The following RGS5 variants were observed in gnomAD, a reference collection of about 807,000 sequenced individuals.
RGS5 encodes regulator of G-protein signalling 5.
A neutral mutation model predicts 18.9 loss-of-function variants in RGS5; 20 were observed. That is an observed-to-expected ratio of 1.06 (90% CI 0.74 to 1.54). The LOEUF (loss-of-function observed/expected upper bound fraction) is 1.54. Among genes scored for constraint, RGS5 ranks in the 40% most tolerant of loss-of-function variants. RGS5 has a pLI of 0.00. For missense variants in RGS5, 201 were observed against 211.8 expected (o/e 0.95, Z 0.32); for synonymous variants, 57 against 76.2 (o/e 0.75, Z 1.31).
At chr1:163,319,801 CAGAA>C (rs1650135682) in intron 1 of RGS5, among the ~76,000 whole-genome samples, 1 of 152,080 alleles carries the variant, frequency 6.6e-6, no homozygotes, top group African/African-American at 2.4e-5. Flanking sequence ...ATGCTACAAT[CAGAA>C]AGAATACTAA....
At chr1:163,260,020 T>A (rs1010723958) in intron 2 of RGS5, 2 of 152,190 alleles carry the variant, frequency 1.3e-5, no homozygotes, top group Non-Finnish European at 2.9e-5. Context: ...ATTCAAAATA[T>A]CCCCATGCTC....
At chr1:163,155,619 G>A (rs937267215) in intron 3 of RGS5, among the ~76,000 whole-genome samples, 1 of 152,042 alleles carries the variant, frequency 6.6e-6, no homozygotes, top group Non-Finnish European at 1.5e-5. Context: ...TCTCTGTTTA[G>A]TTCCTATCAC....
At chr1:163,232,257 T>C (rs953187432) in intron 2 of RGS5, among the ~76,000 whole-genome samples, 3 of 152,190 alleles carry the variant, frequency 2.0e-5, no homozygotes, top group Admixed American at 6.5e-5. Flanking sequence ...ATTTTCTGAA[T>C]TGCTTATTTG....
intron 2 of RGS5, among the ~76,000 whole-genome samples, chr1:163,303,807 T>G (rs564040387): frequency 6.6e-6 from 1 of 152,262 alleles, no homozygotes; most frequent in African/African-American, 2.4e-5. Context: ...CACATTTGAT[T>G]CTCAAAGGAG....
intron 1 of RGS5, among the ~76,000 whole-genome samples, chr1:163,178,699 A>G (rs907555260): frequency 6.6e-6 from 1 of 152,158 alleles, no homozygotes; most frequent in Non-Finnish European, 1.5e-5. Context: ...AAAGGCCCCT[A>G]CCCCAGCACA....
At chr1:163,214,423 G>A (rs868692202) in intron 1 of RGS5, among the ~76,000 whole-genome samples, 2 of 152,038 alleles carry the variant, frequency 1.3e-5, no homozygotes, top group Admixed American at 6.6e-5. Context: ...CTTCAGAAAC[G>A]AACACCTTCA....
chr1:163,313,015 C>A (rs1046106568), intron 1 of RGS5, among the ~76,000 whole-genome samples: 54 of 152,086 alleles, frequency 3.6e-4, no homozygotes, highest in African/African-American at 1.3e-3. Flanking sequence ...TGTCTTTCAA[C>A]CTAAAATAAA....
At chr1:163,163,458 C>G (rs1477384156) in intron 2 of RGS5, among the ~76,000 whole-genome samples, 1 of 149,120 alleles carries the variant, frequency 6.7e-6, no homozygotes, top group East Asian at 2.0e-4. Context: ...CCCATTTCCT[C>G]TGGCTAGTAT....
At chr1:163,230,276 C>T (rs1647443079) in intron 2 of RGS5, among the ~76,000 whole-genome samples, 1 of 152,048 alleles carries the variant, frequency 6.6e-6, no homozygotes, top group South Asian at 2.1e-4. Context: ...CCCTCTTTAC[C>T]TCATAAGATT....
In RGS5 at chr1:163,168,243, A is replaced by G. The variant is rs199962234; in HGVS notation, c.155+15T>C. The G allele has an allele frequency of 6.9e-5, 110 of 1,583,450 alleles. No individual in the cohort carries two copies. The African/African-American group carries it at 1.4e-3, about 20-fold the overall frequency. On this transcript the variant is annotated intron_variant, in intron 2 of 4. Coordinates refer to ENST00000313961, the MANE Select transcript of RGS5 (RefSeq NM_003617.4). ...CCTCTGGAGGAAATGAGTGGAATCC[A>G]TATTCATGACTCACTTCTGGGTCTT...
intron 2 of RGS5, among the ~76,000 whole-genome samples, chr1:163,242,965 T>C (rs986608039): frequency 1.3e-5 from 2 of 152,236 alleles, no homozygotes; most frequent in Non-Finnish European, 2.9e-5. Flanking sequence ...AGTTTTACTA[T>C]GTGTTTGCAA....
chr1:163,186,578 C>CAAAAAAAAAAAAAA (rs34092786), intron 1 of RGS5, among the ~76,000 whole-genome samples: 2 of 95,964 alleles, frequency 2.1e-5, no homozygotes, highest in Non-Finnish European at 4.0e-5. Context: ...GACTCTGTCT[C>CAAAAAAAAAAAAAA]AAAAAAAAAA....
chr1:163,234,138 T>C (rs1309586374), intron 2 of RGS5, among the ~76,000 whole-genome samples: 5 of 152,210 alleles, frequency 3.3e-5, no homozygotes, highest in African/African-American at 1.2e-4. Context: ...AGGGATAAGA[T>C]CACATATGCT....
chr1:163,257,189 G>A (rs1648296077), intron 2 of RGS5, among the ~76,000 whole-genome samples: 2 of 152,030 alleles, frequency 1.3e-5, no homozygotes, highest in Non-Finnish European at 2.9e-5. Context: ...AATAAGATGT[G>A]GTTTTTTGGA....
In RGS5 at chr1:163,202,819, GCAA is replaced by G; in HGVS notation, c.14_16del (p.Leu5_Ala6delinsPro). The G allele has an allele frequency of 6.2e-7, 1 of 1,613,538 alleles. No individual in the cohort carries two copies. Among genetic ancestry groups the G allele is most frequent in the Non-Finnish European group, 8.5e-7 (1 of 1,179,656 alleles). Reference sequence around the variant, plus strand: ...TTCCAGGCATGAGTGGGGCAAAGCTGCAAGTCCTTTGCACATTTTGGCAGGTGG... The same window carrying G: ...TTCCAGGCATGAGTGGGGCAAAGCTGGTCCTTTGCACATTTTGGCAGGTGG... On this transcript the variant is annotated inframe_deletion, in exon 1 of 5. Transcript: ENST00000313961.
intron 1 of RGS5, among the ~76,000 whole-genome samples, chr1:163,312,810 T>A (rs1162502891): frequency 6.6e-6 from 1 of 152,226 alleles, no homozygotes; most frequent in Non-Finnish European, 1.5e-5. Flanking sequence ...TAACTTTTGG[T>A]TGTGAAAACA....
chr1:163,187,555 G>A (rs1194623046), intron 1 of RGS5, among the ~76,000 whole-genome samples: 2 of 151,974 alleles, frequency 1.3e-5, no homozygotes, highest in South Asian at 2.1e-4. Flanking sequence ...GACAGGTCCC[G>A]CCTCATACGC....
chr1:163,180,384 G>A (rs1415133948), intron 1 of RGS5, among the ~76,000 whole-genome samples: 3 of 151,970 alleles, frequency 2.0e-5, no homozygotes, highest in Non-Finnish European at 4.4e-5. Context: ...TCTTCCTATT[G>A]CAGTGCCTTC....
chr1:163,180,937 T>G (rs1419731556), intron 1 of RGS5, among the ~76,000 whole-genome samples: 1 of 151,872 alleles, frequency 6.6e-6, no homozygotes, highest in Non-Finnish European at 1.5e-5. Flanking sequence ...CTCGTGATCC[T>G]CCCGCCTCCG....
Sources: allele counts gnomAD v4.1 joint callset (sites outside exome capture counted in the v4.1 genomes callset), GRCh38; gene constraint gnomAD v4.1.1; transcripts MANE v1.5; gene names NCBI Gene and HGNC (gene_info 2026-07-23, HGNC 2026-07-21).